FUS: variants seen among roughly 807,000 people sequenced by gnomAD.
FUS encodes RNA-binding protein FUS.
In FUS, 5 loss-of-function variants were observed where a neutral mutation model predicts 82.7. The observed-to-expected ratio is 0.06, with a 90% CI of 0.03 to 0.13. The LOEUF is 0.13. FUS is among the 10% of genes least tolerant of loss of function. The probability of loss-of-function intolerance (pLI) is 1.00; values close to 1 mark genes in which losing one functional copy is unlikely to be tolerated. For synonymous variants in FUS, 281 were observed against 247.4 expected, an observed-to-expected ratio of 1.14 and a Z score of -1.27; for missense variants, 512 against 707.8, an observed-to-expected ratio of 0.72 and a Z score of 3.14.
Position 31,180,151 on chromosome 16 carries a change from A to G in FUS, c.-64A>G, listed in dbSNP as rs766727320. ...AGGAGGCGGGGCTGCTCAGTCCTCC[A>G]GGCGTCGGTACTCAGCGGTGTTGGA... On this transcript the variant is annotated 5_prime_UTR_variant, in exon 1 of 15. Coordinates refer to ENST00000254108, the MANE Select transcript of FUS (RefSeq NM_004960.4). 1.3e-6 allele frequency: 2 copies of G among 1,590,636 alleles called. No homozygotes were observed.
intron 6 of FUS, chr16:31,186,270 C>T (rs1567473635): frequency 1.1e-5 from 3 of 270,646 alleles, no homozygotes; most frequent in Non-Finnish European, 2.1e-5. Context: ...AAAAACAGCT[C>T]AGTAGTTAGG....
chr16:31,193,035 T>C (rs1050724228), downstream of FUS: 1 of 484,858 alleles, frequency 2.1e-6, no homozygotes, highest in Admixed American at 2.3e-5. Context: ...GTTTTTCGGC[T>C]TACCGCAACT....
chr16:31,183,854 G>A lies in FUS; in HGVS notation c.191-4G>A. 6.2e-7 allele frequency: 1 copy of A among 1,614,028 alleles called. No homozygotes were observed. The highest frequency in any genetic ancestry group is 8.5e-7 in the Non-Finnish European group (1 of 1,180,010). On this transcript the variant is annotated splice_polypyrimidine_tract_variant and splice_region_variant and intron_variant, in intron 3 of 14. Transcript: ENST00000254108. ...TTGTGACTCCCTTTTTCTTATCCTG[G>A]TAGCAGGCTATGGAACTCAGTCAAC... is the stretch of plus-strand genomic sequence containing the variant.
rs1007764162 is a variant in FUS at position 31,186,931 on chromosome 16, A to G, written c.799+95A>G. ...TCTTAGCGTGTTAATTTAAATGTCA[A>G]AGGTTTTGAGGTGTCCAGAACCACC... On this transcript the variant is annotated intron_variant, in intron 7 of 14. Coordinates refer to ENST00000254108, the MANE Select transcript of FUS (RefSeq NM_004960.4). 3.1e-5 allele frequency: 41 copies of G among 1,317,224 alleles called. No individual in the cohort carries two copies. In the Middle Eastern group the frequency reaches 7.2e-4, roughly 23 times the overall value. 81.6% of individuals were successfully genotyped at this position (1,317,224 alleles called of 1,614,324 possible).
At position 31,184,365 on chromosome 16, in the gene FUS, CAGT is replaced by C. The variant is rs2079227565; in HGVS notation, c.493_495del (p.Ser165del). 1.2e-6 allele frequency: 2 copies of C among 1,613,736 alleles called. No individual in the cohort carries two copies. The highest frequency in any genetic ancestry group is 2.2e-5 in the East Asian group (1 of 44,882). On this transcript the variant is annotated inframe_deletion, in exon 5 of 15. Transcript: ENST00000254108. ...GACAGCAGAACCAGTACAACAGCAG[CAGT>C]GGTGGTGGAGGTGGAGGTGGAGGTG...
chr16:31,183,826 C>G lies in FUS; in HGVS notation c.191-32C>G, dbSNP rs369352777. 5.1e-4 allele frequency: 819 copies of G among 1,613,978 alleles called. 1 individual carries two copies. The highest frequency in any genetic ancestry group is 6.5e-4 in the Non-Finnish European group (769 of 1,179,962). The stretch of plus-strand genomic sequence containing the variant: ...CCTTACATTTTCTCTTTCCTGGTGG[C>G]TTTTGTGACTCCCTTTTTCTTATCC... On this transcript the variant is annotated intron_variant, in intron 3 of 14. Coordinates refer to ENST00000254108, the MANE Select transcript of FUS (RefSeq NM_004960.4).
chr16:31,182,879 G>A (rs763811194), intron 3 of FUS: 32 of 564,390 alleles, frequency 5.7e-5, no homozygotes, highest in Middle Eastern at 4.8e-4. Context: ...ACCACGCCTG[G>A]CTAATTTTGT....
At chr16:31,191,640 A>C (rs754367603), downstream of FUS, 1 of 712,210 alleles carries the variant, frequency 1.4e-6, no homozygotes. Flanking sequence ...CTTTCCTGGA[A>C]GATCGATGTC....
chr16:31,184,341 A>C lies in FUS; in HGVS notation c.468A>C (p.Gly156=). Residue 156 remains glycine, a synonymous_variant, in exon 5 of 15, where the codon GGA becomes GGC. Transcript: ENST00000254108. ...GCTATAATCCCCCTCAGGGCTATGG[A>C]CAGCAGAACCAGTACAACAGCAGCA... is the stretch of plus-strand genomic sequence containing the variant. The part of the protein sequence containing the change: ...QQSYNPPQGY[G]QQNQYNSSSG... The C allele has an allele frequency of 3.7e-6, 6 of 1,614,120 alleles. No homozygotes were observed. The highest frequency in any genetic ancestry group is 5.1e-6 in the Non-Finnish European group (6 of 1,180,018).
chr16:31,185,965 G>A (rs1344988567), intron 6 of FUS: 1 of 236,930 alleles, frequency 4.2e-6, no homozygotes, highest in Non-Finnish European at 8.3e-6. Context: ...CTTGAAAAAG[G>A]GGAGGAATGT....
downstream of FUS, chr16:31,193,210 A>G (rs896285244): frequency 1.4e-5 from 7 of 493,622 alleles, no homozygotes; most frequent in African/African-American, 7.8e-5. Context: ...CCAATAAACC[A>G]TGACTTTTAA....
downstream of FUS, chr16:31,192,691 C>T (rs561887115): frequency 4.2e-6 from 2 of 480,938 alleles, no homozygotes; most frequent in Admixed American, 2.4e-5. Context: ...AGAATCCCAG[C>T]TTCTGAGTAG....
At position 31,182,617 on chromosome 16, in the gene FUS, C is replaced by T. The variant is rs2079196677; in HGVS notation, c.143C>T (p.Ser48Leu). ...YSGYSQSTDT[S>L]GYGQSSYSSY... is the part of the protein sequence containing the mutation. Reference sequence around the variant, plus strand: ...GGTTATAGCCAGTCCACGGACACTTCAGGCTATGGCCAGAGCAGCTATTCT... The same window carrying T: ...GGTTATAGCCAGTCCACGGACACTTTAGGCTATGGCCAGAGCAGCTATTCT... The change falls in exon 3 of 15, where the codon TCA (serine) becomes TTA (leucine). Residue 48 changes from serine (S) to leucine (L), a missense_variant. Physicochemically the swap from Ser to Leu is moderately radical, Grantham distance 145 (BLOSUM62 -2). Transcript: ENST00000254108. The T allele has an allele frequency of 1.9e-6, 3 of 1,614,124 alleles. No homozygotes were observed. Among genetic ancestry groups the T allele is most frequent in the South Asian group, 2.2e-5 (2 of 91,092 alleles).
At chr16:31,182,873 C>T (rs1200474761) in intron 3 of FUS, 14 of 581,682 alleles carry the variant, frequency 2.4e-5, no homozygotes, top group Admixed American at 5.6e-5. Flanking sequence ...CCTGCTACCA[C>T]GCCTGGCTAA....
chr16:31,194,702 A>G (rs2079401560), downstream of FUS: 3 of 486,570 alleles, frequency 6.2e-6, no homozygotes, highest in Middle Eastern at 6.0e-4. Context: ...AGGCTAATAT[A>G]TCCATCACTT....
At chr16:31,189,461 T>C (rs1403101154) in intron 9 of FUS, among the ~76,000 whole-genome samples, 1 of 152,254 alleles carries the variant, frequency 6.6e-6, no homozygotes, top group African/African-American at 2.4e-5. Flanking sequence ...ATTTGTACTC[T>C]ATAGTAACTT....
At chr16:31,190,472 C>T (rs1217489567) in intron 12 of FUS, 74 bp downstream of exon 12, 22 of 1,600,888 alleles carry the variant, frequency 1.4e-5, no homozygotes, top group African/African-American at 2.7e-5. Context: ...GAGGTATGTG[C>T]GTGTTTTCCA....
intron 1 of FUS, chr16:31,182,073 C>T (rs1596888751): frequency 2.6e-6 from 1 of 384,894 alleles, no homozygotes; most frequent in East Asian, 6.0e-5. Flanking sequence ...TCACTGCAAC[C>T]TCTGCCTCCC....
chr16:31,181,898 C>G (rs1166334546), intron 1 of FUS, among the ~76,000 whole-genome samples: 1 of 152,156 alleles, frequency 6.6e-6, no homozygotes, highest in Non-Finnish European at 1.5e-5. Flanking sequence ...ATTTTCTTCA[C>G]TTTTTCTTTA....
Sources: allele counts gnomAD v4.1 joint callset (sites outside exome capture counted in the v4.1 genomes callset), GRCh38; gene constraint gnomAD v4.1.1; transcripts MANE v1.5; gene names NCBI Gene and HGNC (gene_info 2026-07-23, HGNC 2026-07-21).